WWOX: variants seen among roughly 807,000 people sequenced by gnomAD.
WWOX encodes the protein WW domain containing oxidoreductase, also known as WW domain-containing oxidoreductase.
Under a neutral mutation model 46.2 loss-of-function variants are expected in WWOX, and 69 were observed. The observed-to-expected ratio is 1.49, with a 90% CI of 1.23 to 1.82. The LOEUF (loss-of-function observed/expected upper bound fraction) is 1.82. WWOX is among the 40% of genes most tolerant of loss of function. WWOX has a pLI of 0.00. For missense variants in WWOX, 919 were observed against 542.6 expected (o/e 1.69, Z -6.89); for synonymous variants, 359 against 202.6 (o/e 1.77, Z -6.56).
At chr16:78,689,425 G>T (rs967119673) in intron 8 of WWOX, among the ~76,000 whole-genome samples, 4 of 152,096 alleles carry the variant, frequency 2.6e-5, no homozygotes, top group African/African-American at 9.7e-5. Flanking sequence ...TTTCCCTCTG[G>T]CAAAGAATCC....
intron 8 of WWOX, among the ~76,000 whole-genome samples, chr16:78,585,071 C>T (rs764727217): frequency 2.6e-5 from 4 of 152,292 alleles, no homozygotes; most frequent in East Asian, 1.9e-4. Context: ...AAGGCAGTTA[C>T]GGATCTTTTA....
chr16:78,950,944 C>T (rs1407202517), intron 8 of WWOX, among the ~76,000 whole-genome samples: 1 of 152,170 alleles, frequency 6.6e-6, no homozygotes, highest in African/African-American at 2.4e-5. Flanking sequence ...TCTTTGGAGC[C>T]ATAAACATCC....
intron 8 of WWOX, among the ~76,000 whole-genome samples, chr16:78,785,265 G>T (rs558529071): frequency 3.2e-4 from 49 of 152,276 alleles, no homozygotes; most frequent in Non-Finnish European, 5.9e-4. Context: ...ACCTTCGATG[G>T]GCAGGTGCAA....
At chr16:78,203,665 T>TG (rs1311574393) in intron 5 of WWOX, among the ~76,000 whole-genome samples, 1 of 152,094 alleles carries the variant, frequency 6.6e-6, no homozygotes, top group Non-Finnish European at 1.5e-5. Context: ...GGAGGAGAAC[T>TG]GGGGAGGAAT....
chr16:78,575,812 C>T (rs528481282), intron 8 of WWOX, among the ~76,000 whole-genome samples: 7 of 152,226 alleles, frequency 4.6e-5, no homozygotes, highest in African/African-American at 9.6e-5. Flanking sequence ...CCTGTCTATA[C>T]TTTCAGATGG....
Position 79,156,338 on chromosome 16 carries a change from T to A in WWOX, c.1057-55270T>A, listed in dbSNP as rs899969990. On this transcript the variant is annotated intron_variant, in intron 8 of 8. Transcript: ENST00000566780. ...AACACACTTGGCTAATTTTTGTGCA[T>A]TTTGTAGAGATGGGGTTTTGCCATG... Among the ~76,000 whole-genome samples the A allele has an allele frequency of 2.0e-5, 3 of 152,208 alleles. No homozygotes were observed. In the East Asian group the frequency reaches 5.8e-4, roughly 29 times the overall value.
intron 8 of WWOX, among the ~76,000 whole-genome samples, chr16:78,750,772 G>A (rs553600672): frequency 5.3e-5 from 8 of 152,186 alleles, no homozygotes; most frequent in South Asian, 2.1e-4. Flanking sequence ...GCATTTATTC[G>A]CTCAGGATAA....
chr16:79,166,261 C>T (rs975421796), intron 8 of WWOX, among the ~76,000 whole-genome samples: 1 of 152,224 alleles, frequency 6.6e-6, no homozygotes, highest in Admixed American at 6.5e-5. Context: ...CCCCTCACTC[C>T]CAACTCAGCA....
At chr16:78,178,489 G>A (rs1216785034) in intron 5 of WWOX, among the ~76,000 whole-genome samples, 1 of 152,166 alleles carries the variant, frequency 6.6e-6, no homozygotes, top group East Asian at 1.9e-4. Context: ...CTTATGGGTA[G>A]TGATGGGCAC....
At chr16:78,772,132 T>C (rs1004667747) in intron 8 of WWOX, among the ~76,000 whole-genome samples, 1 of 152,192 alleles carries the variant, frequency 6.6e-6, no homozygotes, top group Non-Finnish European at 1.5e-5. Context: ...ACAGATTATT[T>C]CATCACCCAG....
At chr16:79,041,957 G>T (rs2151411769) in intron 8 of WWOX, among the ~76,000 whole-genome samples, 1 of 152,236 alleles carries the variant, frequency 6.6e-6, no homozygotes, top group Non-Finnish European at 1.5e-5. Flanking sequence ...GTGTGGAAAT[G>T]AATGGGAAGT....
chr16:78,386,765 A>T, intron 5 of WWOX, 95 bp from the exon 6 acceptor site: 1 of 1,121,550 alleles, frequency 8.9e-7, no homozygotes, highest in South Asian at 1.3e-5. Flanking sequence ...AAACAGGGGA[A>T]TTCCGACATG....
rs80127008 is a variant in WWOX, at chr16:78,149,177, T to C, written c.410-15006T>C. On this transcript the variant is annotated intron_variant, in intron 4 of 8. Transcript: ENST00000566780. ...GGCTGGCCTTTGTGTTGGACGTTAA[T>C]ACAGTTGGTTCTTTAAAGTTTGACA... 4.7e-3 allele frequency among the ~76,000 whole-genome samples: 712 copies of C among 152,208 alleles called. 4 individuals are homozygous for C. Among genetic ancestry groups the C allele is most frequent in the Non-Finnish European group, 7.3e-3 (494 of 68,008 alleles).
chr16:78,647,099 A>C (rs1257206237), intron 8 of WWOX, among the ~76,000 whole-genome samples: 3 of 152,134 alleles, frequency 2.0e-5, no homozygotes, highest in Non-Finnish European at 2.9e-5. Context: ...AGCCTTGAGG[A>C]TGTGAAACTG....
intron 5 of WWOX, among the ~76,000 whole-genome samples, chr16:78,312,293 A>G (rs946140774): frequency 2.6e-5 from 4 of 151,564 alleles, no homozygotes; most frequent in Non-Finnish European, 5.9e-5. Context: ...TGTAGGGGGT[A>G]ATTTTAGCTT....
chr16:79,026,925 G>GCTTTATTTTCCTTTGTGTTCCTAATACCT (rs2047656556), intron 8 of WWOX, among the ~76,000 whole-genome samples: 1 of 151,252 alleles, frequency 6.6e-6, no homozygotes, highest in Non-Finnish European at 1.5e-5. Context: ...CACCACGCCT[G>GCTTTATTTTCCTTTGTGTTCCTAATACCT]GGCGGCACGT....
intron 8 of WWOX, among the ~76,000 whole-genome samples, chr16:79,069,478 C>T (rs1388172751): frequency 1.3e-5 from 2 of 151,758 alleles, no homozygotes; most frequent in Non-Finnish European, 2.9e-5. Context: ...TTTACGTAAA[C>T]TTAGGAACTA....
At chr16:79,081,648 G>C (rs996768117) in intron 8 of WWOX, among the ~76,000 whole-genome samples, 1 of 152,110 alleles carries the variant, frequency 6.6e-6, no homozygotes, top group Non-Finnish European at 1.5e-5. Flanking sequence ...CATTATATTT[G>C]AGTGAGACCC....
At chr16:78,327,918 C>G (rs552529558) in intron 5 of WWOX, among the ~76,000 whole-genome samples, 7 of 137,004 alleles carry the variant, frequency 5.1e-5, no homozygotes, top group Admixed American at 4.8e-4. Context: ...CTTCTGTTGC[C>G]CAGGCTGGAG....
Sources: allele counts gnomAD v4.1 joint callset (sites outside exome capture counted in the v4.1 genomes callset), GRCh38; gene constraint gnomAD v4.1.1; transcripts MANE v1.5; gene names NCBI Gene and HGNC (gene_info 2026-07-23, HGNC 2026-07-21).